The following FGGY variants were observed in gnomAD, a reference collection of about 807,000 sequenced individuals.
The protein encoded by FGGY is FGGY carbohydrate kinase domain containing.
Under a neutral mutation model 71.3 loss-of-function variants are expected in FGGY, and 72 were observed. That is an observed-to-expected ratio of 1.01 (90% confidence interval 0.84 to 1.23). FGGY has a LOEUF of 1.23. FGGY is among the 50% of genes most tolerant of loss of function. FGGY has a pLI of 0.00. For synonymous variants in FGGY, 251 were observed against 250.3 expected, an observed-to-expected ratio of 1.00 and a Z score of -0.02; for missense variants, 668 against 682.3, an observed-to-expected ratio of 0.98 and a Z score of 0.23.
chr1:59,391,214 T>A (rs1385027324), intron 5 of FGGY, among the ~76,000 whole-genome samples: 1 of 152,102 alleles, frequency 6.6e-6, no homozygotes, highest in African/African-American at 2.4e-5. Context: ...CTGAGGGGTC[T>A]CAGAGACATT....
chr1:59,675,099 G>A lies in FGGY; in HGVS notation c.1512+966G>A, dbSNP rs563086351. Among the ~76,000 whole-genome samples the A allele has an allele frequency of 2.0e-5, 3 of 152,226 alleles. No individual in the cohort carries two copies. In the East Asian group the frequency reaches 5.8e-4, roughly 29 times the overall value. On this transcript the variant is annotated intron_variant, in intron 14 of 15. Coordinates refer to ENST00000303721, the MANE Select transcript of FGGY (RefSeq NM_018291.5). ...GAGGCATAAAGAAGTTAAATAACTT[G>A]GCCTAAATGAAACAGCTAGTAAATG...
chr1:59,375,879 GTT>G (rs770578651), intron 4 of FGGY, among the ~76,000 whole-genome samples: 1,898 of 99,278 alleles, frequency 0.019, 31 homozygotes, highest in African/African-American at 0.066. Context: ...ATCTAAAGTA[GTT>G]TTTTTTTTTT....
At chr1:59,640,204 A>G (rs1374209562) in intron 11 of FGGY, among the ~76,000 whole-genome samples, 2 of 152,108 alleles carry the variant, frequency 1.3e-5, no homozygotes, top group African/African-American at 4.8e-5. Context: ...AACAGTTATC[A>G]CTCCATGAAT....
intron 8 of FGGY, among the ~76,000 whole-genome samples, chr1:59,603,298 A>C (rs1319310113): frequency 6.6e-6 from 1 of 152,198 alleles, no homozygotes; most frequent in Admixed American, 6.5e-5. Context: ...AAGTGTTAGC[A>C]TCTGAAAATA....
At chr1:59,332,468 T>A (rs1480167384) in intron 2 of FGGY, among the ~76,000 whole-genome samples, 2 of 152,040 alleles carry the variant, frequency 1.3e-5, no homozygotes, top group African/African-American at 4.8e-5. Context: ...TCTGGGATGG[T>A]TTAGATGGTG....
At chr1:59,345,524 C>A (rs955920441) in intron 3 of FGGY, among the ~76,000 whole-genome samples, 5 of 152,254 alleles carry the variant, frequency 3.3e-5, no homozygotes, top group South Asian at 2.1e-4. Context: ...ATGATTTTCT[C>A]CTCCTGAGGG....
rs114604696 is a variant in FGGY, at chr1:59,542,359, T to C, written c.800-11765T>C. Among the ~76,000 whole-genome samples the C allele has an allele frequency of 2.8e-3, 428 of 150,968 alleles. 1 individual carries two copies. The highest frequency in any genetic ancestry group is 9.8e-3 in the African/African-American group (403 of 41,168). On this transcript the variant is annotated intron_variant, in intron 7 of 15. Transcript: ENST00000303721. ...AAATGTTTACTGAATTGAATCCTTC[T>C]AAACAGAGGAGGGAGATACTATTAA... is the stretch of plus-strand genomic sequence containing the variant.
At chr1:59,462,403 G>T (rs1192487397) in intron 6 of FGGY, among the ~76,000 whole-genome samples, 1 of 152,096 alleles carries the variant, frequency 6.6e-6, no homozygotes, top group Non-Finnish European at 1.5e-5. Context: ...CATGGGCAAG[G>T]ACTTCATGTC....
chr1:59,618,609 T>C (rs2096779753), intron 9 of FGGY, among the ~76,000 whole-genome samples: 1 of 152,070 alleles, frequency 6.6e-6, no homozygotes. Context: ...TGTAAGGCCA[T>C]GGGAGAAAAA....
intron 14 of FGGY, among the ~76,000 whole-genome samples, chr1:59,749,253 T>G (rs781438880): frequency 3.3e-5 from 5 of 152,154 alleles, no homozygotes; most frequent in Non-Finnish European, 7.4e-5. Flanking sequence ...CATAAGCCGA[T>G]TCTAGCAAAT....
At chr1:59,705,242 A>C (rs777371005) in intron 14 of FGGY, among the ~76,000 whole-genome samples, 5 of 152,150 alleles carry the variant, frequency 3.3e-5, no homozygotes, top group Non-Finnish European at 7.3e-5. Flanking sequence ...CTGGTACCGG[A>C]GTTTTAAAAC....
intron 8 of FGGY, among the ~76,000 whole-genome samples, chr1:59,583,692 G>A (rs2096234137): frequency 7.0e-6 from 1 of 142,380 alleles, no homozygotes; most frequent in South Asian, 2.7e-4. Context: ...CCTGGGTATT[G>A]GTGCCAGGCT....
At chr1:59,624,530 G>A (rs765995225) in intron 9 of FGGY, among the ~76,000 whole-genome samples, 4 of 152,086 alleles carry the variant, frequency 2.6e-5, no homozygotes, top group South Asian at 2.1e-4. Context: ...GTATTAGTCC[G>A]TTTTCATACT....
At chr1:59,538,235 A>T (rs1463050921) in intron 7 of FGGY, among the ~76,000 whole-genome samples, 1 of 152,208 alleles carries the variant, frequency 6.6e-6, no homozygotes, top group East Asian at 1.9e-4. Context: ...CAAAACACAC[A>T]TGAAAAAATG....
At chr1:59,698,966 G>A (rs910650017) in intron 14 of FGGY, 25 of 985,232 alleles carry the variant, frequency 2.5e-5, no homozygotes, top group Non-Finnish European at 3.0e-5. Context: ...TAATCAAGCT[G>A]CCAAATCTAA....
intron 6 of FGGY, among the ~76,000 whole-genome samples, chr1:59,465,251 A>G (rs1470934432): frequency 6.6e-6 from 1 of 152,238 alleles, no homozygotes; most frequent in East Asian, 1.9e-4. Context: ...ACAGAACCAA[A>G]GACAAAAACC....
At chr1:59,585,994 C>T (rs187844598) in intron 8 of FGGY, among the ~76,000 whole-genome samples, 1 of 152,190 alleles carries the variant, frequency 6.6e-6, no homozygotes, top group Admixed American at 6.5e-5. Flanking sequence ...GAATGCCAAT[C>T]ATTAAACAGG....
intron 5 of FGGY, among the ~76,000 whole-genome samples, chr1:59,382,819 T>C (rs1199111018): frequency 6.6e-6 from 1 of 152,196 alleles, no homozygotes; most frequent in Non-Finnish European, 1.5e-5. Flanking sequence ...TTTCCTTCTC[T>C]TTTTCTTTGA....
intron 11 of FGGY, among the ~76,000 whole-genome samples, chr1:59,645,841 A>T (rs1177339883): frequency 1.3e-5 from 2 of 152,220 alleles, no homozygotes. Context: ...CTTCATGTTA[A>T]AAGTACAGAA....
Sources: gnomAD v4.1 joint callset for allele counts (sites outside exome capture counted in the v4.1 genomes callset) on GRCh38, gnomAD v4.1.1 for gene constraint, MANE v1.5 for transcripts, NCBI Gene and HGNC (gene_info 2026-07-23, HGNC 2026-07-21) for gene names.